HNMT: variants seen among roughly 807,000 people sequenced by gnomAD.
HNMT encodes histamine N-methyltransferase.
HNMT carries 30 observed loss-of-function variants against 32.1 expected under a neutral mutation model. That is an observed-to-expected ratio of 0.93 (90% CI 0.70 to 1.27). HNMT has a LOEUF of 1.27. Ranked by LOEUF, HNMT falls within the 50% of genes most tolerant of loss-of-function variation. HNMT has a pLI of 0.00. For missense variants in HNMT, 327 were observed against 346.0 expected (o/e 0.95, Z 0.43); for synonymous variants, 125 against 119.0 (o/e 1.05, Z -0.33).
At chr2:137,990,580 T>G in intron 2 of HNMT, among the ~76,000 whole-genome samples, 1 of 152,304 alleles carries the variant, frequency 6.6e-6, no homozygotes, top group Non-Finnish European at 1.5e-5. Context: ...TATAAATTAT[T>G]TTTTAAAAAT....
At chr2:137,999,833 A>G (rs1452728953) in intron 2 of HNMT, among the ~76,000 whole-genome samples, 1 of 152,022 alleles carries the variant, frequency 6.6e-6, no homozygotes, top group Admixed American at 6.6e-5. Flanking sequence ...TGCCAACTTT[A>G]TTTTGCACTG....
chr2:138,000,460 ATC>A (rs1464611307), intron 2 of HNMT, among the ~76,000 whole-genome samples: 1 of 138,932 alleles, frequency 7.2e-6, no homozygotes, highest in Non-Finnish European at 1.5e-5. Flanking sequence ...CCTTTATTTA[ATC>A]TGACATTTTT....
At chr2:138,013,581 G>A (rs1681575410) in intron 5 of HNMT, among the ~76,000 whole-genome samples, 194 bp from the exon 6 acceptor site, 1 of 152,078 alleles carries the variant, frequency 6.6e-6, no homozygotes, top group Non-Finnish European at 1.5e-5. Context: ...CATTTACTCA[G>A]ATTACTTTTT....
At chr2:137,996,924 G>C (rs1026019547) in intron 2 of HNMT, among the ~76,000 whole-genome samples, 1 of 152,110 alleles carries the variant, frequency 6.6e-6, no homozygotes, top group African/African-American at 2.4e-5. Flanking sequence ...AACGGGGAAA[G>C]GATCTCCTAT....
chr2:137,988,693 G>A (rs1680726146), intron 2 of HNMT: 1 of 151,994 alleles, frequency 6.6e-6, no homozygotes, highest in South Asian at 2.1e-4. Flanking sequence ...TGGCCAATAT[G>A]GTGAAACCCC....
intron 1 of HNMT, among the ~76,000 whole-genome samples, chr2:137,968,222 T>C (rs1680018791): frequency 6.6e-6 from 1 of 152,180 alleles, no homozygotes; most frequent in South Asian, 2.1e-4. Flanking sequence ...AGTTGGTTAT[T>C]GTTGTTGCAT....
chr2:137,977,345 G>C (rs1478345967), intron 2 of HNMT, among the ~76,000 whole-genome samples: 1 of 152,046 alleles, frequency 6.6e-6, no homozygotes, highest in African/African-American at 2.4e-5. Flanking sequence ...GTTTCCTCCT[G>C]ACAGTCATGC....
Position 137,970,151 on chromosome 2 carries a change from T to G in HNMT, c.138-14T>G. On this transcript the variant is annotated splice_polypyrimidine_tract_variant and intron_variant, in intron 1 of 5. Transcript: ENST00000280097. ...AACACATTTTTCTAAAACTACATAA[T>G]TTTTTTCTTTCAGGATTGGAGACAC... 6.7e-7 allele frequency: 1 copy of G among 1,503,394 alleles called. No homozygotes were observed. The highest frequency in any genetic ancestry group is 9.2e-7 in the Non-Finnish European group (1 of 1,088,068). The allele number at this position is 1,503,394 out of a possible 1,614,324, so 93.1% of individuals were successfully genotyped here.
rs1031420130 is a variant in HNMT at position 137,968,004 on chromosome 2, C to A, written c.138-2161C>A. Among the ~76,000 whole-genome samples the A allele has an allele frequency of 2.6e-5, 4 of 152,082 alleles. 1 individual carries two copies. In the South Asian group the frequency reaches 6.2e-4, roughly 24 times the overall value. ...CAGATTCTCTTTGTGTAAGTCAGGG[C>A]AGGGTTTGTTGAGTGAGTAGCTCAC... On this transcript the variant is annotated intron_variant, in intron 1 of 5. Transcript: ENST00000280097.
chr2:137,964,694 G>A, intron 1 of HNMT, 66 bp downstream of exon 1: 1 of 1,537,022 alleles, frequency 6.5e-7, no homozygotes. Context: ...GTGATAGATG[G>A]GTCTCGCTCA....
At chr2:137,967,426 A>C in intron 1 of HNMT, 28 of 301,348 alleles carry the variant, frequency 9.3e-5, no homozygotes, top group East Asian at 3.5e-4. Flanking sequence ...AATAAATCAA[A>C]TGCTACTCAA....
intron 2 of HNMT, among the ~76,000 whole-genome samples, chr2:137,979,301 T>C (rs909537840): frequency 2.0e-5 from 3 of 151,638 alleles, no homozygotes; most frequent in South Asian, 2.1e-4. Context: ...GACGGAGTCT[T>C]GCTCTGTCGC....
chr2:137,986,718 T>G (rs986534841), intron 2 of HNMT, among the ~76,000 whole-genome samples: 2 of 152,220 alleles, frequency 1.3e-5, no homozygotes, highest in African/African-American at 4.8e-5. Flanking sequence ...TTTGAATAAA[T>G]TTTTATAGAA....
chr2:137,964,641 A>C lies in HNMT; in HGVS notation c.137+13A>C. ...GCATAATAGGAAGGTAACAAAAGGGACGTTGTTGTCAAAGGGACAAGCCTC... is the reference window on the plus strand; with the variant it reads ...GCATAATAGGAAGGTAACAAAAGGGCCGTTGTTGTCAAAGGGACAAGCCTC... On this transcript the variant is annotated intron_variant, in intron 1 of 5. Coordinates refer to ENST00000280097, the MANE Select transcript of HNMT (RefSeq NM_006895.3). The C allele has an allele frequency of 6.2e-7, 1 of 1,613,568 alleles. No homozygotes were observed.
chr2:138,002,025 T>A, intron 3 of HNMT, 39 bp from the exon 4 acceptor site: 1 of 1,446,250 alleles, frequency 6.9e-7, no homozygotes, highest in Non-Finnish European at 9.2e-7. Flanking sequence ...ACATTTGCAA[T>A]TAAAATTGAT....
chr2:138,014,880 G>T lies in HNMT; in HGVS notation c.*750G>T, dbSNP rs1274946191. 1 of 151,594 alleles carries T rather than the reference G, an allele frequency of 6.6e-6. No individual in the cohort carries two copies. Among genetic ancestry groups the T allele is most frequent in the Non-Finnish European group, 1.5e-5 (1 of 67,864 alleles). The allele number at this position is 151,594 out of a possible 1,614,324, so 9.4% of individuals were successfully genotyped here. On this transcript the variant is annotated 3_prime_UTR_variant, in exon 6 of 6. Coordinates refer to ENST00000280097, the MANE Select transcript of HNMT (RefSeq NM_006895.3). ...TATAGTTTTGCTTTTTTTAAAAAAT[G>T]AAATCTTTACTATGTTTGAAATTTA...
chr2:137,997,540 C>T (rs1344836038), intron 2 of HNMT, among the ~76,000 whole-genome samples: 4 of 152,052 alleles, frequency 2.6e-5, no homozygotes, highest in South Asian at 2.1e-4. Flanking sequence ...CTGGCAAAGC[C>T]GTGGAGAGAT....
chr2:137,974,793 G>C (rs1353273951), intron 2 of HNMT, among the ~76,000 whole-genome samples: 1 of 152,084 alleles, frequency 6.6e-6, no homozygotes, highest in Non-Finnish European at 1.5e-5. Flanking sequence ...TACATTTATA[G>C]ATAAATTTTT....
At chr2:137,978,159 T>G (rs908459526) in intron 2 of HNMT, among the ~76,000 whole-genome samples, 15 of 152,042 alleles carry the variant, frequency 9.9e-5, no homozygotes, top group Non-Finnish European at 2.1e-4. Flanking sequence ...CTTAAAAAAG[T>G]AAGATTTTTG....
Sources: gnomAD v4.1 joint callset for allele counts (sites outside exome capture counted in the v4.1 genomes callset) on GRCh38, gnomAD v4.1.1 for gene constraint, MANE v1.5 for transcripts, NCBI Gene and HGNC (gene_info 2026-07-23, HGNC 2026-07-21) for gene names.